The following RIMS2 variants were observed in gnomAD, a reference collection of about 807,000 sequenced individuals.
RIMS2 encodes the protein regulating synaptic membrane exocytosis 2.
A neutral mutation model predicts 174.4 loss-of-function variants in RIMS2; 59 were observed. The observed-to-expected ratio is 0.34, with a 90% CI of 0.27 to 0.42. The LOEUF (loss-of-function observed/expected upper bound fraction) is 0.42, where lower values mean the gene tolerates loss of function less well. Ranked by LOEUF, RIMS2 falls within the 10% of genes least tolerant of loss-of-function variation. The pLI is 1.00. For synonymous variants in RIMS2, 606 were observed against 572.5 expected (o/e 1.06, Z -0.84); for missense variants, 1,620 against 1,666.3 (o/e 0.97, Z 0.48).
At chr8:103,804,840 A>G (rs2098639515) in intron 3 of RIMS2, among the ~76,000 whole-genome samples, 1 of 151,936 alleles carries the variant, frequency 6.6e-6, no homozygotes, top group East Asian at 1.9e-4. Flanking sequence ...TCTGTCACCC[A>G]GGCTGGAGTG....
intron 1 of RIMS2, among the ~76,000 whole-genome samples, chr8:103,580,824 A>AT (rs1241385213): frequency 1.1e-5 from 1 of 91,742 alleles, no homozygotes; most frequent in African/African-American, 4.5e-5. Flanking sequence ...GAAAGGGAAT[A>AT]CTTTTTTTTT....
At chr8:104,230,298 G>A (rs10089436) in intron 19 of RIMS2, among the ~76,000 whole-genome samples, 1,457 of 145,110 alleles carry the variant, frequency 0.01, 20 homozygotes, top group African/African-American at 0.033. Flanking sequence ...AAAAAAAATA[G>A]GTTTTGTTTA....
At chr8:104,043,643 A>G (rs2096646297) in intron 19 of RIMS2, among the ~76,000 whole-genome samples, 1 of 151,624 alleles carries the variant, frequency 6.6e-6, no homozygotes, top group Admixed American at 6.6e-5. Flanking sequence ...AGCGATATCT[A>G]AGGCAATAGA....
At chr8:103,800,367 G>A (rs980412914) in intron 3 of RIMS2, among the ~76,000 whole-genome samples, 2 of 152,034 alleles carry the variant, frequency 1.3e-5, no homozygotes, top group Non-Finnish European at 2.9e-5. Flanking sequence ...CCACTAAAAT[G>A]TTAGATAGAA....
intron 1 of RIMS2, among the ~76,000 whole-genome samples, chr8:103,606,447 T>C (rs2095087021): frequency 6.6e-6 from 1 of 151,946 alleles, no homozygotes; most frequent in Non-Finnish European, 1.5e-5. Context: ...GGAATAAGTG[T>C]GGTGTGGTGC....
intron 15 of RIMS2, among the ~76,000 whole-genome samples, chr8:103,971,234 A>C (rs1266458693): frequency 6.6e-6 from 1 of 152,188 alleles, no homozygotes; most frequent in Non-Finnish European, 1.5e-5. Context: ...TTGAGGGTTT[A>C]ATTATGTCTT....
chr8:103,665,248 A>C (rs1225632803), intron 1 of RIMS2, among the ~76,000 whole-genome samples: 2 of 152,372 alleles, frequency 1.3e-5, no homozygotes, highest in Non-Finnish European at 2.9e-5. Flanking sequence ...CACGTTGTGC[A>C]TATGTACCCT....
intron 4 of RIMS2, among the ~76,000 whole-genome samples, chr8:103,897,420 T>C (rs1008150210): frequency 3.3e-4 from 50 of 151,862 alleles, no homozygotes; most frequent in African/African-American, 1.1e-3. Flanking sequence ...GCCCCTCATG[T>C]GGCCATAGAT....
rs200856053 is a variant in RIMS2, at chr8:103,942,812, C to A, written c.2587C>A (p.Pro863Thr). Residue 863 changes from proline (P) to threonine (T), a missense_variant, in exon 14 of 24, where the codon CCA (proline) becomes ACA (threonine). Transcript: ENST00000504942. ...AGAAACAGCATTATTAGATGATGAGCCACATTGGTACAAACTTCAGACGCA... is the reference window on the plus strand; with the variant it reads ...AGAAACAGCATTATTAGATGATGAGACACATTGGTACAAACTTCAGACGCA... 9.2e-5 allele frequency: 149 copies of A among 1,612,230 alleles called. No individual in the cohort carries two copies. The African/African-American group carries it at 1.9e-3, about 20-fold the overall frequency.
Position 104,224,276 on chromosome 8 carries a change from G to C in RIMS2, c.3335-20640G>C, listed in dbSNP as rs188765451. On this transcript the variant is annotated intron_variant, in intron 19 of 23. Coordinates refer to ENST00000504942, the Ensembl canonical transcript of RIMS2. ...GTTACACAGTGGACAGACAGTTAGA[G>C]GGTTGCTAGTACCGAAGGTGAGTTT... Among the ~76,000 whole-genome samples, 352 of 152,316 alleles carry C rather than the reference G, an allele frequency of 2.3e-3. 2 individuals carry two copies. Among genetic ancestry groups the C allele is most frequent in the Admixed American group, 6.6e-3 (101 of 15,302 alleles).
At chr8:103,660,323 G>A (rs946128070) in intron 1 of RIMS2, among the ~76,000 whole-genome samples, 1 of 152,216 alleles carries the variant, frequency 6.6e-6, no homozygotes, top group Non-Finnish European at 1.5e-5. Context: ...GCGCTAGCTG[G>A]ACTCATGGAT....
At chr8:103,582,854 G>A (rs931014030) in intron 1 of RIMS2, among the ~76,000 whole-genome samples, 1 of 152,188 alleles carries the variant, frequency 6.6e-6, no homozygotes, top group Admixed American at 6.5e-5. Context: ...CCTGGGGCCT[G>A]GGGGACCTCC....
chr8:103,646,912 C>G (rs2096346613), intron 1 of RIMS2, among the ~76,000 whole-genome samples: 1 of 152,124 alleles, frequency 6.6e-6, no homozygotes, highest in Non-Finnish European at 1.5e-5. Context: ...GTCTTGTGCT[C>G]ATTTTCAAGA....
chr8:104,062,762 C>A (rs752644787), intron 19 of RIMS2, among the ~76,000 whole-genome samples: 2 of 151,918 alleles, frequency 1.3e-5, no homozygotes, highest in Non-Finnish European at 2.9e-5. Flanking sequence ...TAGTTTTGTT[C>A]ATTTTAAATA....
At chr8:104,014,752 T>G (rs2095856826) in intron 19 of RIMS2, 137 bp downstream of exon 21, 2 of 440,704 alleles carry the variant, frequency 4.5e-6, no homozygotes, top group Admixed American at 7.5e-5. Context: ...AATAGTTATA[T>G]TTATAAATAT....
At chr8:103,985,191 C>T (rs536618940) in intron 16 of RIMS2, among the ~76,000 whole-genome samples, 2 of 151,798 alleles carry the variant, frequency 1.3e-5, no homozygotes, top group African/African-American at 2.4e-5. Flanking sequence ...AGAGTATAAT[C>T]GGGGCCAGGC....
chr8:103,698,118 G>T (rs767038907), intron 2 of RIMS2, among the ~76,000 whole-genome samples: 2 of 152,070 alleles, frequency 1.3e-5, no homozygotes, highest in Admixed American at 6.5e-5. Context: ...GTGGAAATTC[G>T]TTTCCCTATG....
rs139818967 is a variant in RIMS2 at position 103,677,756 on chromosome 8, C to T, written c.177-19330C>T. ...ATTTGTGACTCAGGTAGCCCCCCAA[C>T]CAGAACAGAGTCAGAGAGACTCCAG... On this transcript the variant is annotated intron_variant, in intron 1 of 23. Coordinates refer to ENST00000504942, the Ensembl canonical transcript of RIMS2. Among the ~76,000 whole-genome samples, 642 of 152,182 alleles carry T rather than the reference C, an allele frequency of 4.2e-3. 4 individuals are homozygous for T. Among genetic ancestry groups the T allele is most frequent in the African/African-American group, 0.015 (611 of 41,522 alleles).
At chr8:103,767,238 A>G (rs2098184828) in intron 3 of RIMS2, among the ~76,000 whole-genome samples, 1 of 149,038 alleles carries the variant, frequency 6.7e-6, no homozygotes, top group Non-Finnish European at 1.5e-5. Context: ...ATCAGGCTGG[A>G]GTGCAGTGGC....
Sources: gnomAD v4.1 joint callset for allele counts (sites outside exome capture counted in the v4.1 genomes callset) on GRCh38, gnomAD v4.1.1 for gene constraint, MANE v1.5 for transcripts, NCBI Gene and HGNC (gene_info 2026-07-23, HGNC 2026-07-21) for gene names.